The following DLEU7 variants were observed in gnomAD, a reference collection of about 807,000 sequenced individuals.
DLEU7 encodes the protein leukemia-associated protein 7.
DLEU7 carries 17 observed loss-of-function variants against 16.0 expected under a neutral mutation model. The ratio of observed to expected loss-of-function variants is 1.06; its 90% confidence interval spans 0.73 to 1.59. The LOEUF is 1.59. Ranked by LOEUF, DLEU7 falls within the 40% of genes most tolerant of loss-of-function variation. The pLI is 0.00. For missense variants in DLEU7, 308 were observed against 314.9 expected (o/e 0.98, Z 0.17); for synonymous variants, 113 against 139.8 (o/e 0.81, Z 1.35).
intron 1 of DLEU7, among the ~76,000 whole-genome samples, chr13:50,806,743 T>C (rs959837764): frequency 5.3e-5 from 8 of 152,042 alleles, no homozygotes; most frequent in African/African-American, 1.7e-4. Flanking sequence ...TTTAATTATG[T>C]TTTTACCTAG....
intron 1 of DLEU7, among the ~76,000 whole-genome samples, chr13:50,834,374 A>G (rs1034060354): frequency 6.6e-6 from 1 of 152,202 alleles, no homozygotes; most frequent in African/African-American, 2.4e-5. Context: ...AAAGTGGGAA[A>G]AGGATATGAA....
intron 1 of DLEU7, among the ~76,000 whole-genome samples, chr13:50,744,234 C>A (rs1204728887): frequency 6.6e-6 from 1 of 152,148 alleles, no homozygotes; most frequent in Non-Finnish European, 1.5e-5. Context: ...AGCCCTCTCT[C>A]CCACATTCTA....
chr13:50,796,973 T>A (rs1033048998), intron 1 of DLEU7, among the ~76,000 whole-genome samples: 2 of 152,286 alleles, frequency 1.3e-5, no homozygotes, highest in South Asian at 4.1e-4. Flanking sequence ...GTTAACACAC[T>A]CTAACTAATA....
chr13:50,814,897 G>A (rs746122985), intron 1 of DLEU7, among the ~76,000 whole-genome samples: 1 of 151,304 alleles, frequency 6.6e-6, no homozygotes, highest in African/African-American at 2.4e-5. Context: ...ACAAGTTATC[G>A]TCATTTGGGT....
chr13:50,839,898 C>G (rs2137817868), intron 1 of DLEU7: 1 of 152,294 alleles, frequency 6.6e-6, no homozygotes, highest in South Asian at 2.1e-4. Context: ...ATTGTCCTCA[C>G]TATACAGGGA....
chr13:50,833,616 C>G (rs192186435), intron 1 of DLEU7, among the ~76,000 whole-genome samples: 1 of 152,226 alleles, frequency 6.6e-6, no homozygotes, highest in Admixed American at 6.5e-5. Flanking sequence ...TCATACTGCC[C>G]AAGGTAATTT....
chr13:50,824,257 C>A (rs886872907), intron 1 of DLEU7, among the ~76,000 whole-genome samples: 4 of 152,158 alleles, frequency 2.6e-5, no homozygotes, highest in African/African-American at 7.2e-5. Flanking sequence ...ATTTTTAATC[C>A]CTAAATGGTT....
At chr13:50,718,133 C>G (rs1317506738) in intron 1 of DLEU7, among the ~76,000 whole-genome samples, 1 of 151,984 alleles carries the variant, frequency 6.6e-6, no homozygotes, top group Non-Finnish European at 1.5e-5. Context: ...TTAAGAAGCA[C>G]TAATTTAAAT....
intron 1 of DLEU7, among the ~76,000 whole-genome samples, chr13:50,770,704 G>T (rs571407518): frequency 6.6e-6 from 1 of 152,294 alleles, no homozygotes; most frequent in East Asian, 1.9e-4. Context: ...TCGCATCGAT[G>T]TTCATCAGGG....
At chr13:50,785,594 C>A (rs1875776624) in intron 1 of DLEU7, among the ~76,000 whole-genome samples, 1 of 152,178 alleles carries the variant, frequency 6.6e-6, no homozygotes. Context: ...TAAGAGGCTG[C>A]AAAGCTAAAT....
intron 1 of DLEU7, among the ~76,000 whole-genome samples, chr13:50,801,380 C>T (rs1307902539): frequency 4.6e-5 from 7 of 152,092 alleles, no homozygotes; most frequent in Non-Finnish European, 7.4e-5. Context: ...TTTAGCAGCA[C>T]GGAGCTGTTG....
rs182880329 is a variant in DLEU7, at chr13:50,779,587, C to T, written c.459+63601G>A. On this transcript the variant is annotated intron_variant, in intron 1 of 1. Coordinates refer to the DLEU7 transcript ENST00000400393. ...GATGCCAGGCACTCCATCACAGCCA[C>T]CTCGGGAAAACCAGATACCTGCAGC... 1.5e-4 allele frequency among the ~76,000 whole-genome samples: 23 copies of T among 152,244 alleles called. No individual in the cohort carries two copies. The East Asian group carries it at 4.5e-3, about 29-fold the overall frequency.
chr13:50,838,181 CT>C (rs1877533809), intron 1 of DLEU7, among the ~76,000 whole-genome samples: 1 of 152,190 alleles, frequency 6.6e-6, no homozygotes, highest in South Asian at 2.1e-4. Context: ...AGTTTTATGA[CT>C]GCTGCTCTTG....
chr13:50,758,521 G>A (rs948451760), intron 1 of DLEU7, among the ~76,000 whole-genome samples: 22 of 152,226 alleles, frequency 1.4e-4, no homozygotes, highest in African/African-American at 5.3e-4. Context: ...CTCTGGCTCA[G>A]TAGCTTTCAT....
At chr13:50,750,758 A>G (rs1307530906) in intron 1 of DLEU7, among the ~76,000 whole-genome samples, 1 of 152,156 alleles carries the variant, frequency 6.6e-6, no homozygotes, top group Non-Finnish European at 1.5e-5. Flanking sequence ...ACTGTGGTGT[A>G]TAGAAGAGCT....
chr13:50,753,921 G>A (rs688871), intron 1 of DLEU7, among the ~76,000 whole-genome samples: 71,580 of 152,062 alleles, frequency 0.47, 17,830 homozygotes, highest in African/African-American at 0.62. Flanking sequence ...TCTTGATTTC[G>A]TTTTTTGACC....
chr13:50,771,047 A>G (rs578126995), intron 1 of DLEU7, among the ~76,000 whole-genome samples: 6 of 152,184 alleles, frequency 3.9e-5, no homozygotes, highest in African/African-American at 1.4e-4. Flanking sequence ...TTTCTAGTTT[A>G]TTTGTGCAGA....
chr13:50,752,504 G>A (rs1296407092), intron 1 of DLEU7, among the ~76,000 whole-genome samples: 3 of 152,076 alleles, frequency 2.0e-5, no homozygotes, highest in East Asian at 1.9e-4. Flanking sequence ...GTGGACCCTC[G>A]CGGTGAGTGT....
intron 1 of DLEU7, among the ~76,000 whole-genome samples, chr13:50,812,044 T>G (rs1876584681): frequency 8.3e-6 from 1 of 121,084 alleles, no homozygotes; most frequent in Non-Finnish European, 1.6e-5. Flanking sequence ...CACTCCAGCC[T>G]GGGTGACAGA....
Sources: gnomAD v4.1 joint callset for allele counts (sites outside exome capture counted in the v4.1 genomes callset) on GRCh38, gnomAD v4.1.1 for gene constraint, MANE v1.5 for transcripts, NCBI Gene and HGNC (gene_info 2026-07-23, HGNC 2026-07-21) for gene names.